ZFYVE26: variants seen among roughly 807,000 people sequenced by gnomAD.
ZFYVE26 encodes the protein zinc finger FYVE domain-containing protein 26.
ZFYVE26 carries 181 observed loss-of-function variants against 276.5 expected under a neutral mutation model. The observed-to-expected ratio is 0.65, with a 90% CI of 0.58 to 0.74. The LOEUF is 0.74. ZFYVE26 is among the 30% of genes least tolerant of loss of function. The pLI, the probability that ZFYVE26 is intolerant of heterozygous loss-of-function variation, is 0.00. For synonymous variants in ZFYVE26, 1,129 were observed against 1,203.1 expected, an observed-to-expected ratio of 0.94 and a Z score of 1.27; for missense variants, 2,821 against 3,097.9, an observed-to-expected ratio of 0.91 and a Z score of 2.12.
chr14:67,768,637 T>C (rs1305621913), intron 29 of ZFYVE26, 89 bp from the exon 30 acceptor site: 8 of 1,290,740 alleles, frequency 6.2e-6, no homozygotes, highest in Non-Finnish European at 4.5e-6. Context: ...TTACAGTGTC[T>C]CCCTGGTACA....
chr14:67,742,657 T>C (rs972449330), downstream of ZFYVE26, among the ~76,000 whole-genome samples: 1 of 152,072 alleles, frequency 6.6e-6, no homozygotes, highest in Non-Finnish European at 1.5e-5. Flanking sequence ...AGGGACAGGT[T>C]CTTCTGGCTG....
chr14:67,771,924 T>G, intron 28 of ZFYVE26, 123 bp downstream of exon 28: 1 of 1,320,290 alleles, frequency 7.6e-7, no homozygotes, highest in Non-Finnish European at 1.1e-6. Context: ...AGTCTTAGAT[T>G]TGGCAGTTCT....
intron 23 of ZFYVE26, 170 bp from the exon 24 acceptor site, chr14:67,778,418 A>G (rs2039408138): frequency 1.3e-6 from 1 of 784,836 alleles, no homozygotes; most frequent in African/African-American, 1.7e-5. Context: ...TCTTAGCACT[A>G]CCATAAAAAA....
At chr14:67,797,938 C>A (rs1445925153) in intron 11 of ZFYVE26, 76 bp downstream of exon 11, 1 of 1,609,568 alleles carries the variant, frequency 6.2e-7, no homozygotes, top group Non-Finnish European at 8.5e-7. Flanking sequence ...CCTATGTACT[C>A]CTAGCTCTCT....
chr14:67,811,274 T>C (rs1409737594), intron 3 of ZFYVE26, among the ~76,000 whole-genome samples: 1 of 152,338 alleles, frequency 6.6e-6, no homozygotes, highest in East Asian at 1.9e-4. Flanking sequence ...ACTTTAAACA[T>C]ATTCAGGATC....
At chr14:67,798,677 A>T in intron 10 of ZFYVE26, 55 bp from the exon 11 acceptor site, 6 of 1,605,858 alleles carry the variant, frequency 3.7e-6, no homozygotes, top group Non-Finnish European at 5.1e-6. Context: ...AGAGAATGCA[A>T]ACATTAGAAA....
chr14:67,813,945 A>G (rs1356812801), intron 3 of ZFYVE26, 41 bp downstream of exon 3: 9 of 1,410,328 alleles, frequency 6.4e-6, no homozygotes, highest in African/African-American at 1.4e-5. Context: ...AGTTCTTCTC[A>G]GTCCTGGCCT....
intron 28 of ZFYVE26, among the ~76,000 whole-genome samples, chr14:67,770,727 A>G (rs2039187636): frequency 6.6e-6 from 1 of 152,222 alleles, no homozygotes; most frequent in Admixed American, 6.5e-5. Flanking sequence ...TAGGCAGTCA[A>G]TAAAGGCCAA....
Position 67,755,259 on chromosome 14 carries a change from G to A in ZFYVE26, c.6787-9C>T. On this transcript the variant is annotated splice_polypyrimidine_tract_variant and intron_variant, in intron 36 of 41. Transcript: ENST00000347230. ...GCGGCCCGAACTTGGTCCTAGAAGAGGAAAATAAATGTTCAGGTCAAAGTA... is the reference window on the plus strand; with the variant it reads ...GCGGCCCGAACTTGGTCCTAGAAGAAGAAAATAAATGTTCAGGTCAAAGTA... 6.2e-7 allele frequency: 1 copy of A among 1,614,016 alleles called. No homozygotes were observed. The highest frequency in any genetic ancestry group is 1.1e-5 in the South Asian group (1 of 91,078).
Position 67,768,600 on chromosome 14 carries a change from G to A in ZFYVE26, c.5622-52C>T, listed in dbSNP as rs1416040391. ...AAATAAATGCCTGAGTCACTTCTTT[G>A]TTTTGAGCTTCGTAGACAGCATCAA... On this transcript the variant is annotated intron_variant, in intron 29 of 41. Transcript: ENST00000347230. The A allele has an allele frequency of 1.9e-6, 3 of 1,577,196 alleles. No individual in the cohort carries two copies. In the African/African-American group the frequency reaches 4.0e-5, roughly 21 times the overall value.
In ZFYVE26 at chr14:67,748,416, C is replaced by G; in HGVS notation, c.*20G>C. The G allele has an allele frequency of 1.6e-5, 25 of 1,610,732 alleles. No individual in the cohort carries two copies. The highest frequency in any genetic ancestry group is 2.0e-5 in the Non-Finnish European group (24 of 1,179,576). Reference sequence around the variant, plus strand: ...TTGCCCAGCTCTCAGGCCACGTGTTCCTGGCCCCACTGCCCAAGGTCACTT... The same window carrying G: ...TTGCCCAGCTCTCAGGCCACGTGTTGCTGGCCCCACTGCCCAAGGTCACTT... On this transcript the variant is annotated 3_prime_UTR_variant, in exon 42 of 42. Transcript: ENST00000347230.
At chr14:67,783,678 C>CAT (rs2039572366) in intron 20 of ZFYVE26, among the ~76,000 whole-genome samples, 153 bp from the exon 21 acceptor site, 1 of 152,302 alleles carries the variant, frequency 6.6e-6, no homozygotes, top group Non-Finnish European at 1.5e-5. Flanking sequence ...GCCTATTAGA[C>CAT]ATATCGCTCT....
chr14:67,805,154 C>A, intron 8 of ZFYVE26, 63 bp downstream of exon 8: 2 of 1,517,522 alleles, frequency 1.3e-6, no homozygotes, highest in South Asian at 2.3e-5. Flanking sequence ...AATGGCCACA[C>A]ATGCGGAGCA....
In ZFYVE26 at chr14:67,769,727, T is replaced by C. The variant is rs2039155806; in HGVS notation, c.5488A>G (p.Asn1830Asp). 1 of 1,613,946 alleles carries C rather than the reference T, an allele frequency of 6.2e-7. No homozygotes were observed. Among genetic ancestry groups the C allele is most frequent in the Admixed American group, 1.7e-5 (1 of 59,988 alleles). Residue 1830 changes from asparagine (N) to aspartate (D), a missense_variant, in exon 29 of 42, where the codon AAC becomes GAC. By Grantham distance (23) the Asn-to-Asp change is conservative. Coordinates refer to ENST00000347230, the MANE Select transcript of ZFYVE26 (RefSeq NM_015346.4). ...VCCREHFTMF[N>D]RRHHCRRCGR... ...CAGCGGCGACAATGATGACGCCTGT[T>C]AAACTGAGGAATGCCATCAGGAGGA...
At chr14:67,766,199 A>T (rs932205410) in intron 32 of ZFYVE26, 28 bp downstream of exon 32, 1 of 1,609,226 alleles carries the variant, frequency 6.2e-7, no homozygotes, top group African/African-American at 1.3e-5. Flanking sequence ...GCTCCTGTGT[A>T]AAAGAATAGA....
Position 67,804,200 on chromosome 14 carries a change from A to G in ZFYVE26, c.1336T>C (p.Tyr446His). Residue 446 changes from tyrosine to histidine, a missense_variant, in exon 9 of 42, where the codon TAC (tyrosine) becomes CAC (histidine). Physicochemically the swap from Tyr to His is moderately conservative, Grantham distance 83. Coordinates refer to ENST00000347230, the MANE Select transcript of ZFYVE26 (RefSeq NM_015346.4). ...LHGGDSHSVL[Y>H]TLHHLTNLPA... ...AGGTTTGTAAGGTGATGGAGAGTGTAGAGCACTGAGTGGCTGTCTCCACCG... is the reference window on the plus strand; with the variant it reads ...AGGTTTGTAAGGTGATGGAGAGTGTGGAGCACTGAGTGGCTGTCTCCACCG... The G allele has an allele frequency of 6.2e-7, 1 of 1,614,214 alleles. No individual in the cohort carries two copies. Among genetic ancestry groups the G allele is most frequent in the East Asian group, 2.2e-5 (1 of 44,888 alleles).
At chr14:67,751,299 T>C (rs147512706) in intron 40 of ZFYVE26, 103 of 636,146 alleles carry the variant, frequency 1.6e-4, no homozygotes, top group African/African-American at 1.5e-3. Flanking sequence ...CCACTATTGA[T>C]AGCAAAGGAA....
rs1332890934 is a variant in ZFYVE26 at position 67,776,120 on chromosome 14, A to T, written c.4975-14T>A. On this transcript the variant is annotated splice_polypyrimidine_tract_variant and intron_variant, in intron 25 of 41. Coordinates refer to ENST00000347230, the MANE Select transcript of ZFYVE26 (RefSeq NM_015346.4). Reference sequence around the variant, plus strand: ...GGTCAGCAGAATCTGTTTGTGGGGTAGATCCATAGAGTAAAGAAAATAGTA... The same window carrying T: ...GGTCAGCAGAATCTGTTTGTGGGGTTGATCCATAGAGTAAAGAAAATAGTA... 6.2e-7 allele frequency: 1 copy of T among 1,613,900 alleles called. No homozygotes were observed. The highest frequency in any genetic ancestry group is 1.3e-5 in the African/African-American group (1 of 74,942).
intron 41 of ZFYVE26, among the ~76,000 whole-genome samples, chr14:67,749,186 C>A (rs569863005): frequency 6.6e-6 from 1 of 152,232 alleles, no homozygotes; most frequent in East Asian, 1.9e-4. Context: ...CCATCAGAAC[C>A]CTCCCAGAAT....
Sources: allele counts gnomAD v4.1 joint callset (sites outside exome capture counted in the v4.1 genomes callset), GRCh38; gene constraint gnomAD v4.1.1; transcripts MANE v1.5; gene names NCBI Gene and HGNC (gene_info 2026-07-23, HGNC 2026-07-21).